CDH23: variants seen among roughly 807,000 people sequenced by gnomAD.
CDH23 encodes the protein cadherin related 23, also known as cadherin-23.
A neutral mutation model predicts 317.1 loss-of-function variants in CDH23; 189 were observed. The observed-to-expected ratio is 0.60, with a 90% confidence interval of 0.53 to 0.67. The LOEUF is 0.67. CDH23 is among the 30% of genes least tolerant of loss of function. The pLI, the probability that CDH23 is intolerant of heterozygous loss-of-function variation, is 0.00. For synonymous variants in CDH23, 1,839 were observed against 1,876.8 expected (o/e 0.98, Z 0.52); for missense variants, 4,401 against 4,592.4 (o/e 0.96, Z 1.20).
rs544786545 is a variant in CDH23, at chr10:71,686,228, C to G, written c.1987-1419C>G. On this transcript the variant is annotated intron_variant, in intron 18 of 69. Transcript: ENST00000224721. The stretch of plus-strand genomic sequence containing the variant: ...TTTCTGCCTCATGCTCTGTCACTGA[C>G]ATTCTCCACACCGTTTCGTGCAGCC... 3.9e-5 allele frequency among the ~76,000 whole-genome samples: 6 copies of G among 152,192 alleles called. No individual in the cohort carries two copies. The South Asian group carries it at 1.2e-3, about 32-fold the overall frequency.
intron 7 of CDH23, 101 bp from the exon 8 acceptor site, chr10:71,570,689 T>C: frequency 7.2e-7 from 1 of 1,381,208 alleles, no homozygotes; most frequent in Non-Finnish European, 9.9e-7. Flanking sequence ...TGTTTGCACT[T>C]ATGTGCTGCA....
At chr10:71,514,635 C>T (rs904187446) in intron 6 of CDH23, among the ~76,000 whole-genome samples, 9 of 152,192 alleles carry the variant, frequency 5.9e-5, no homozygotes, top group African/African-American at 1.9e-4. Flanking sequence ...TCGTTCCCCT[C>T]CTGCCCACCC....
chr10:71,640,830 C>A (rs910023757), intron 11 of CDH23, among the ~76,000 whole-genome samples: 1 of 152,194 alleles, frequency 6.6e-6, no homozygotes, highest in Non-Finnish European at 1.5e-5. Flanking sequence ...AAGATCTGGG[C>A]GTGGCCCCCA....
At chr10:71,591,511 C>T (rs1172946185) in intron 9 of CDH23, among the ~76,000 whole-genome samples, 1 of 152,092 alleles carries the variant, frequency 6.6e-6, no homozygotes, top group Non-Finnish European at 1.5e-5. Flanking sequence ...GACACAGGCT[C>T]ATCTCCCCAT....
At chr10:71,806,343 C>T (rs1841722623) in intron 57 of CDH23, 62 bp downstream of exon 57, 1 of 1,137,502 alleles carries the variant, frequency 8.8e-7, no homozygotes, top group Non-Finnish European at 1.3e-6. Flanking sequence ...CCTGCAAGCA[C>T]ACACTCTCCT....
chr10:71,629,970 GA>G, intron 11 of CDH23, among the ~76,000 whole-genome samples: 1 of 152,138 alleles, frequency 6.6e-6, no homozygotes, highest in African/African-American at 2.4e-5. Flanking sequence ...TGGTTAAAAT[GA>G]TGACCTTTAT....
intron 38 of CDH23, among the ~76,000 whole-genome samples, chr10:71,762,807 G>A (rs1288501840): frequency 6.6e-6 from 1 of 152,202 alleles, no homozygotes; most frequent in African/African-American, 2.4e-5. Context: ...TATATGAAAG[G>A]TCATCTCATC....
intron 8 of CDH23, among the ~76,000 whole-genome samples, chr10:71,576,685 C>T (rs1858227403): frequency 6.6e-6 from 1 of 152,164 alleles, no homozygotes; most frequent in South Asian, 2.1e-4. Context: ...GGAGCCAGAG[C>T]CTCAGGCAGG....
At chr10:71,517,124 G>A (rs367878745) in intron 6 of CDH23, among the ~76,000 whole-genome samples, 11 of 152,286 alleles carry the variant, frequency 7.2e-5, no homozygotes, top group Admixed American at 2.6e-4. Flanking sequence ...CCTCTTGGGC[G>A]GTGTGAGGAC....
At chr10:71,489,155 A>G (rs74418552) in intron 3 of CDH23, among the ~76,000 whole-genome samples, 1,621 of 152,278 alleles carry the variant, frequency 0.011, 22 homozygotes, top group African/African-American at 0.031. Flanking sequence ...CTCAGCCATT[A>G]TCTCTTCAAA....
intron 48 of CDH23, among the ~76,000 whole-genome samples, chr10:71,794,162 C>T (rs538648579): frequency 3.9e-5 from 6 of 152,244 alleles, no homozygotes; most frequent in African/African-American, 9.6e-5. Flanking sequence ...CCACCACACC[C>T]AGCTAATTTT....
intron 3 of CDH23, among the ~76,000 whole-genome samples, chr10:71,509,427 C>A (rs111272883): frequency 0.013 from 1,981 of 152,286 alleles, 39 homozygotes; most frequent in African/African-American, 0.041. Flanking sequence ...GGTGACAGAC[C>A]CTCAGAAAGC....
rs377109505 is a variant in CDH23 at position 71,793,070 on chromosome 10, G to T, written c.6254-112G>T. The T allele has an allele frequency of 8.1e-4, 603 of 741,992 alleles. 2 individuals carry two copies. In the African/African-American group the frequency reaches 9.6e-3, roughly 12 times the overall value. The allele number at this position is 741,992 out of a possible 1,614,324, so 46.0% of individuals were successfully genotyped here. On this transcript the variant is annotated intron_variant, in intron 47 of 69. Coordinates refer to ENST00000224721, the MANE Select transcript of CDH23 (RefSeq NM_022124.6). ...TGAAAAAGGTATAAAAGAAAATGCTGTCAAGGCTGTCATGAGAAGGGGACT... is the reference window on the plus strand; with the variant it reads ...TGAAAAAGGTATAAAAGAAAATGCTTTCAAGGCTGTCATGAGAAGGGGACT...
intron 14 of CDH23, among the ~76,000 whole-genome samples, chr10:71,668,721 C>T (rs1359949071): frequency 1.3e-5 from 2 of 152,222 alleles, no homozygotes; most frequent in Admixed American, 6.5e-5. Context: ...GCCCCTTCCC[C>T]TCGCTACAGC....
rs896552745 is a variant in CDH23, at chr10:71,707,401, G to A, written c.3106+352G>A. The A allele has an allele frequency of 7.5e-6, 10 of 1,331,610 alleles. No individual in the cohort carries two copies. In the East Asian group the frequency reaches 2.8e-4, roughly 38 times the overall value. 82.5% of individuals were successfully genotyped at this position (1,331,610 alleles called of 1,614,324 possible). ...CCCCAAGTCTGGGTGACAGAGCAGT[G>A]ACTTGGAGGAATGTGGCCTCATCCT... On this transcript the variant is annotated intron_variant, in intron 26 of 69. Transcript: ENST00000224721.
chr10:71,667,693 G>A (rs561249065), intron 14 of CDH23, among the ~76,000 whole-genome samples: 4 of 152,058 alleles, frequency 2.6e-5, no homozygotes, highest in Non-Finnish European at 5.9e-5. Context: ...CAATGGAAAA[G>A]GGTGAGAGAT....
rs1864515030 is a variant in CDH23, at chr10:71,679,376, C to T, written c.1753-11C>T. 7 of 1,603,336 alleles carry T rather than the reference C, an allele frequency of 4.4e-6. No individual in the cohort carries two copies. The highest frequency in any genetic ancestry group is 1.1e-5 in the South Asian group (1 of 90,538). The stretch of plus-strand genomic sequence containing the variant: ...CAGGCTCACGGCCCTTGTCTGCCCT[C>T]TTCCTTTCAGGCAACAGATGAAGAC... On this transcript the variant is annotated splice_polypyrimidine_tract_variant and intron_variant, in intron 16 of 69. Transcript: ENST00000224721.
At chr10:71,405,220 C>T (rs921914592) in intron 1 of CDH23, among the ~76,000 whole-genome samples, 7 of 152,104 alleles carry the variant, frequency 4.6e-5, no homozygotes, top group African/African-American at 1.7e-4. Context: ...TTATAAGGGA[C>T]TTTATTCTCC....
intron 38 of CDH23, chr10:71,755,271 G>T: frequency 8.6e-7 from 1 of 1,157,956 alleles, no homozygotes; most frequent in Non-Finnish European, 1.2e-6. Flanking sequence ...TGCCTGCATC[G>T]TGCCTTTGCG....
Sources: gnomAD v4.1 joint callset for allele counts (sites outside exome capture counted in the v4.1 genomes callset) on GRCh38, gnomAD v4.1.1 for gene constraint, MANE v1.5 for transcripts, NCBI Gene and HGNC (gene_info 2026-07-23, HGNC 2026-07-21) for gene names.